The following RALYL variants were observed in gnomAD, a reference collection of about 807,000 sequenced individuals.
The protein encoded by RALYL is RALY RNA binding protein like, also known as RNA-binding Raly-like protein.
A neutral mutation model predicts 35.1 loss-of-function variants in RALYL; 29 were observed. The observed-to-expected ratio is 0.83, with a 90% CI of 0.61 to 1.13. The LOEUF is 1.13. Ranked by LOEUF, RALYL falls within the 50% of genes most tolerant of loss-of-function variation. RALYL has a pLI of 0.00. For synonymous variants in RALYL, 120 were observed against 127.6 expected (o/e 0.94, Z 0.40); for missense variants, 359 against 360.4 (o/e 1.00, Z 0.03).
intron 1 of RALYL, among the ~76,000 whole-genome samples, chr8:84,404,537 G>T (rs954010656): frequency 6.6e-6 from 1 of 152,162 alleles, no homozygotes; most frequent in Non-Finnish European, 1.5e-5. Flanking sequence ...GATTGTGGTG[G>T]ATAAGCTTTT....
chr8:84,527,285 A>G (rs1327192831), intron 1 of RALYL, among the ~76,000 whole-genome samples: 1 of 152,236 alleles, frequency 6.6e-6, no homozygotes, highest in African/African-American at 2.4e-5. Flanking sequence ...AGCAGAGTCC[A>G]AGATAGCATG....
intron 1 of RALYL, among the ~76,000 whole-genome samples, chr8:84,459,604 A>T (rs2050518006): frequency 6.6e-6 from 1 of 151,918 alleles, no homozygotes; most frequent in African/African-American, 2.4e-5. Flanking sequence ...CATGGGTGGT[A>T]AAGATGTTTC....
intron 2 of RALYL, among the ~76,000 whole-genome samples, chr8:84,689,528 C>T (rs901995808): frequency 2.6e-5 from 4 of 152,062 alleles, no homozygotes; most frequent in African/African-American, 9.7e-5. Flanking sequence ...AATAGTGCCG[C>T]AATAAACATA....
At position 84,782,765 on chromosome 8, in the gene RALYL, G is replaced by A. The variant is rs376321669; in HGVS notation, c.332+8111G>A. 1.1e-4 allele frequency among the ~76,000 whole-genome samples: 17 copies of A among 152,318 alleles called. No homozygotes were observed. In the East Asian group the frequency reaches 2.1e-3, roughly 19 times the overall value. On this transcript the variant is annotated intron_variant, in intron 3 of 8. Transcript: ENST00000521268. ...TGCATCTCATATGCTAGGTCATTGC[G>A]CAAGTGCTCCCTGCCTGGGATGAAG...
intron 2 of RALYL, among the ~76,000 whole-genome samples, chr8:84,570,325 G>GT (rs140779480): frequency 0.014 from 2,012 of 145,806 alleles, 29 homozygotes; most frequent in African/African-American, 0.038. Context: ...ATTCTAAATT[G>GT]TTTTTTTTTT....
chr8:84,388,933 A>G (rs1171213071), intron 1 of RALYL, among the ~76,000 whole-genome samples: 2 of 152,152 alleles, frequency 1.3e-5, no homozygotes, highest in Non-Finnish European at 2.9e-5. Flanking sequence ...TATGTCCTGA[A>G]TGGTGTTGCC....
chr8:84,543,388 C>G (rs1485964633), intron 2 of RALYL, among the ~76,000 whole-genome samples: 1 of 151,060 alleles, frequency 6.6e-6, no homozygotes. Flanking sequence ...TAGTAGTATT[C>G]AAAATAGTAA....
chr8:84,863,429 G>T (rs1489456941), intron 6 of RALYL, among the ~76,000 whole-genome samples: 1 of 152,198 alleles, frequency 6.6e-6, no homozygotes. Context: ...GATCAGGTCA[G>T]AGAGTTAGAC....
chr8:84,632,936 A>G (rs1016085260), intron 2 of RALYL, among the ~76,000 whole-genome samples: 5 of 151,832 alleles, frequency 3.3e-5, no homozygotes, highest in African/African-American at 1.2e-4. Context: ...ACTTCATGCT[A>G]TGTGTATCAT....
intron 1 of RALYL, among the ~76,000 whole-genome samples, chr8:84,320,474 TA>T (rs138024082): frequency 0.027 from 4,104 of 152,070 alleles, 101 homozygotes; most frequent in Non-Finnish European, 0.031. Context: ...CTATTTTTAT[TA>T]AAAAATTCAT....
chr8:84,292,468 T>G (rs1169966818), intron 1 of RALYL, among the ~76,000 whole-genome samples: 6 of 150,852 alleles, frequency 4.0e-5, no homozygotes, highest in Admixed American at 3.3e-4. Flanking sequence ...TAAATAGGAG[T>G]GGGGTAAAAT....
chr8:84,906,298 T>G (rs1250616467), intron 8 of RALYL, among the ~76,000 whole-genome samples: 1 of 152,150 alleles, frequency 6.6e-6, no homozygotes, highest in Non-Finnish European at 1.5e-5. Context: ...TTCTAGCTAT[T>G]TTTTAAAATA....
chr8:84,551,062 A>C (rs1409352214), intron 2 of RALYL, among the ~76,000 whole-genome samples: 2 of 152,068 alleles, frequency 1.3e-5, no homozygotes, highest in East Asian at 1.9e-4. Context: ...AGAATATGGC[A>C]GGTTTTTTTC....
chr8:84,375,466 G>T (rs1363415296), intron 1 of RALYL, among the ~76,000 whole-genome samples: 1 of 151,738 alleles, frequency 6.6e-6, no homozygotes, highest in Admixed American at 6.6e-5. Context: ...TTGAATGAAA[G>T]AATAAAGTAG....
At chr8:84,487,385 G>T (rs943364868) in intron 1 of RALYL, among the ~76,000 whole-genome samples, 19 of 151,994 alleles carry the variant, frequency 1.3e-4, no homozygotes, top group African/African-American at 4.1e-4. Flanking sequence ...GTATTTAAAA[G>T]AATTTTTTAA....
intron 2 of RALYL, among the ~76,000 whole-genome samples, chr8:84,683,368 C>T (rs868012511): frequency 8.5e-5 from 13 of 152,222 alleles, no homozygotes; most frequent in African/African-American, 3.1e-4. Context: ...CTGCTTGGTG[C>T]AGAGCTGAGT....
intron 1 of RALYL, among the ~76,000 whole-genome samples, chr8:84,524,729 A>T (rs905974538): frequency 6.6e-6 from 1 of 152,170 alleles, no homozygotes; most frequent in African/African-American, 2.4e-5. Context: ...GGCTTTATTT[A>T]TTCTGATCAC....
intron 1 of RALYL, among the ~76,000 whole-genome samples, chr8:84,494,425 T>C (rs1288427125): frequency 3.9e-5 from 6 of 152,178 alleles, no homozygotes; most frequent in African/African-American, 2.4e-5. Context: ...GTAGTTTTTT[T>C]CTAATTCTGT....
intron 2 of RALYL, among the ~76,000 whole-genome samples, chr8:84,565,215 A>T (rs1395311344): frequency 1.3e-5 from 2 of 151,614 alleles, no homozygotes; most frequent in Non-Finnish European, 3.0e-5. Context: ...TAATTAGCTA[A>T]TACTATTTGA....
Sources: allele counts gnomAD v4.1 joint callset (sites outside exome capture counted in the v4.1 genomes callset), GRCh38; gene constraint gnomAD v4.1.1; transcripts MANE v1.5; gene names NCBI Gene and HGNC (gene_info 2026-07-23, HGNC 2026-07-21).